Variants in FOXO1 observed in about 807,000 individuals in gnomAD.
The protein encoded by FOXO1 is forkhead box protein O1.
A neutral mutation model predicts 44.1 loss-of-function variants in FOXO1; 6 were observed. The observed-to-expected ratio is 0.14, with a 90% CI of 0.07 to 0.27. FOXO1 has a LOEUF of 0.27. Ranked by LOEUF, FOXO1 falls within the 10% of genes least tolerant of loss-of-function variation. The probability of loss-of-function intolerance (pLI) is 1.00; values close to 1 mark genes in which losing one functional copy is unlikely to be tolerated. For missense variants in FOXO1, 737 were observed against 888.8 expected (o/e 0.83, Z 2.17); for synonymous variants, 380 against 362.7 (o/e 1.05, Z -0.54).
At chr13:40,609,510 C>T (rs1209420053) in intron 1 of FOXO1, among the ~76,000 whole-genome samples, 1 of 152,022 alleles carries the variant, frequency 6.6e-6, no homozygotes, top group African/African-American at 2.4e-5. Flanking sequence ...CTTTTGATGT[C>T]AAAGGAGTAT....
chr13:40,665,755 C>T lies in FOXO1; in HGVS notation c.458G>A (p.Ser153Asn). 1 of 1,403,476 alleles carries T rather than the reference C, an allele frequency of 7.1e-7. No individual in the cohort carries two copies. The highest frequency in any genetic ancestry group is 9.4e-7 in the Non-Finnish European group (1 of 1,062,314). The allele number at this position is 1,403,476 out of a possible 1,614,324, so 86.9% of individuals were successfully genotyped here. Reference protein sequence around the residue: ...GPLAGQPRKSSSSRRNAWGNL... With the variant: ...GPLAGQPRKSNSSRRNAWGNL... ...GCCCCACGCGTTGCGGCGGGACGAG[C>T]TGCTCTTGCGCGGCTGCCCCGCGAG... Residue 153 changes from serine to asparagine, a missense_variant, in exon 1 of 3, where the codon AGC (serine) becomes AAC (asparagine). Ser to Asn is a conservative substitution (Grantham distance 46). Around this residue, in one of 7 missense-constraint regions of FOXO1, gnomAD observed 213 missense variants for 236.4 expected, o/e 0.90. Coordinates refer to ENST00000379561, the MANE Select transcript of FOXO1 (RefSeq NM_002015.4).
chr13:40,582,284 C>A (rs1874986336), intron 1 of FOXO1, among the ~76,000 whole-genome samples: 1 of 152,224 alleles, frequency 6.6e-6, no homozygotes, highest in Non-Finnish European at 1.5e-5. Flanking sequence ...TAATAATCAT[C>A]TGAGCCTTCA....
At chr13:40,660,450 C>A (rs141295794) in intron 1 of FOXO1, among the ~76,000 whole-genome samples, 126 of 152,298 alleles carry the variant, frequency 8.3e-4, no homozygotes, top group African/African-American at 2.8e-3. Context: ...CAGGCTTCCC[C>A]AGAGAAATTC....
Position 40,665,431 on chromosome 13 carries a change from G to A in FOXO1, c.630+152C>T, listed in dbSNP as rs1593421855. 3 of 598,642 alleles carry A rather than the reference G, an allele frequency of 5.0e-6. No individual in the cohort carries two copies. The East Asian group carries it at 1.0e-4, about 21-fold the overall frequency. The allele number at this position is 598,642 out of a possible 1,614,324, so 37.1% of individuals were successfully genotyped here. ...TACTGCCGTCCCCGACCGGACCCGG[G>A]CGAGGCCACCGCGACCACCGCTTCT... is the stretch of plus-strand genomic sequence containing the variant. On this transcript the variant is annotated intron_variant, in intron 1 of 2. Transcript: ENST00000379561.
chr13:40,635,305 T>A (rs1182454358), intron 1 of FOXO1, among the ~76,000 whole-genome samples: 2 of 152,110 alleles, frequency 1.3e-5, no homozygotes, highest in Non-Finnish European at 2.9e-5. Context: ...TGCTACTAAG[T>A]CTACAAGTAA....
chr13:40,652,658 T>C (rs1191779136), intron 1 of FOXO1, among the ~76,000 whole-genome samples: 3 of 152,304 alleles, frequency 2.0e-5, no homozygotes, highest in East Asian at 1.9e-4. Context: ...TCCTGAAGGT[T>C]AGAGAAGAGA....
chr13:40,653,932 T>C (rs533348867), intron 1 of FOXO1, among the ~76,000 whole-genome samples: 8 of 152,140 alleles, frequency 5.3e-5, no homozygotes, highest in Non-Finnish European at 8.8e-5. Context: ...CACAAAACCA[T>C]GACCTATATT....
intron 1 of FOXO1, among the ~76,000 whole-genome samples, chr13:40,561,375 ATATCTTAATTTAATG>A (rs1188766984): frequency 1.4e-5 from 2 of 147,108 alleles, no homozygotes; most frequent in Non-Finnish European, 3.0e-5. Context: ...AAAAAATTCT[ATATCTTAATTTAATG>A]AAGGGACAAA....
At chr13:40,608,890 C>G (rs1876120119) in intron 1 of FOXO1, among the ~76,000 whole-genome samples, 1 of 152,164 alleles carries the variant, frequency 6.6e-6, no homozygotes, top group Non-Finnish European at 1.5e-5. Context: ...TAATTTTCAG[C>G]TCATATGATG....
intron 1 of FOXO1, among the ~76,000 whole-genome samples, chr13:40,575,025 T>C (rs1472275287): frequency 1.3e-5 from 2 of 152,124 alleles, no homozygotes; most frequent in Non-Finnish European, 2.9e-5. Context: ...CAGAAATATA[T>C]GATAGACTTT....
chr13:40,647,932 G>C (rs1189250583), intron 1 of FOXO1, among the ~76,000 whole-genome samples: 1 of 152,202 alleles, frequency 6.6e-6, no homozygotes, highest in African/African-American at 2.4e-5. Flanking sequence ...TATGCCTGCA[G>C]AGTCTGGTCA....
Position 40,580,850 on chromosome 13 carries a change from A to T in FOXO1, c.631-19990T>A, listed in dbSNP as rs114358528. Among the ~76,000 whole-genome samples, 315 of 152,362 alleles carry T rather than the reference A, an allele frequency of 2.1e-3. 1 individual carries two copies. Among genetic ancestry groups the T allele is most frequent in the African/African-American group, 7.4e-3 (307 of 41,578 alleles). ...GACACAATCAAGCAAAATAAGTTCA[A>T]GTCCCTAACATCTCATGGCCAGAAG... is the stretch of plus-strand genomic sequence containing the variant. On this transcript the variant is annotated intron_variant, in intron 1 of 2. Coordinates refer to ENST00000379561, the MANE Select transcript of FOXO1 (RefSeq NM_002015.4).
At chr13:40,585,361 A>ACG (rs1408455595) in intron 1 of FOXO1, among the ~76,000 whole-genome samples, 1 of 151,874 alleles carries the variant, frequency 6.6e-6, no homozygotes, top group Non-Finnish European at 1.5e-5. Context: ...ACACACACAC[A>ACG]CACACACACA....
intron 1 of FOXO1, among the ~76,000 whole-genome samples, chr13:40,648,683 T>C (rs1877583734): frequency 6.6e-6 from 1 of 152,174 alleles, no homozygotes; most frequent in African/African-American, 2.4e-5. Context: ...TCCACCTAAA[T>C]TGAAGGATGT....
chr13:40,600,793 G>A (rs1346957594), intron 1 of FOXO1, among the ~76,000 whole-genome samples: 1 of 152,146 alleles, frequency 6.6e-6, no homozygotes, highest in Admixed American at 6.6e-5. Context: ...TTACCAATTA[G>A]AATTTCAAGG....
At chr13:40,621,262 A>G (rs1876604064) in intron 1 of FOXO1, 2 of 808,282 alleles carry the variant, frequency 2.5e-6, no homozygotes, top group Admixed American at 2.0e-5. Context: ...TTTCATATTC[A>G]TTGTACTGAC....
At chr13:40,564,950 G>GGGGAACCCCGACATGGTGTAGTCA (rs1874207486) in intron 1 of FOXO1, among the ~76,000 whole-genome samples, 1 of 150,598 alleles carries the variant, frequency 6.6e-6, no homozygotes. Flanking sequence ...TGGGGGAGTC[G>GGGGAACCCCGACATGGTGTAGTCA]GGGAACCCCG....
chr13:40,645,133 C>T (rs1877469634), intron 1 of FOXO1, among the ~76,000 whole-genome samples: 1 of 152,166 alleles, frequency 6.6e-6, no homozygotes, highest in African/African-American at 2.4e-5. Context: ...GTTCTCTCCT[C>T]CCAAAAGTCA....
intron 1 of FOXO1, among the ~76,000 whole-genome samples, chr13:40,578,548 C>T (rs893778088): frequency 4.6e-5 from 7 of 152,158 alleles, no homozygotes; most frequent in Non-Finnish European, 8.8e-5. Context: ...CCTGCAAGTT[C>T]CCTGAAGATC....
Sources: allele counts gnomAD v4.1 joint callset (sites outside exome capture counted in the v4.1 genomes callset), GRCh38; gene constraint gnomAD v4.1.1; regional missense constraint gnomAD v4.1.1; transcripts MANE v1.5; gene names NCBI Gene and HGNC (gene_info 2026-07-23, HGNC 2026-07-21).